Variants in SLC9C1 observed in about 807,000 individuals in gnomAD.
The protein encoded by SLC9C1 is sodium/hydrogen exchanger 10.
A neutral mutation model predicts 140.9 loss-of-function variants in SLC9C1; 97 were observed. That is an observed-to-expected ratio of 0.69 (90% CI 0.58 to 0.82). SLC9C1 has a LOEUF of 0.82. SLC9C1 is among the 40% of genes least tolerant of loss of function. The pLI is 0.00. For synonymous variants in SLC9C1, 440 were observed against 442.6 expected (o/e 0.99, Z 0.07); for missense variants, 1,340 against 1,389.3 (o/e 0.96, Z 0.56).
chr3:112,248,858 A>G (rs2079368144), intron 10 of SLC9C1, among the ~76,000 whole-genome samples: 3 of 152,034 alleles, frequency 2.0e-5, no homozygotes, highest in African/African-American at 4.8e-5. Context: ...CTATTTCACA[A>G]AAAGTTTTCT....
rs189664767 is a variant in SLC9C1, at chr3:112,272,176, G to A, written c.614-2099C>T. Among the ~76,000 whole-genome samples, 152 of 152,270 alleles carry A rather than the reference G, an allele frequency of 1.0e-3. 3 individuals carry two copies. In the East Asian group the frequency reaches 0.013, roughly 13 times the overall value. Reference sequence around the variant, plus strand: ...CAGCATCTCCTGTCACTGAAATATAGGATGGAGGCTAACTCTAGTTGCAGA... The same window carrying A: ...CAGCATCTCCTGTCACTGAAATATAAGATGGAGGCTAACTCTAGTTGCAGA... On this transcript the variant is annotated intron_variant, in intron 6 of 28. Coordinates refer to ENST00000305815, the MANE Select transcript of SLC9C1 (RefSeq NM_183061.3).
At chr3:112,259,416 T>TAA (rs71134817) in intron 10 of SLC9C1, among the ~76,000 whole-genome samples, 2 of 126,648 alleles carry the variant, frequency 1.6e-5, no homozygotes, top group Non-Finnish European at 3.3e-5. Context: ...TTTACCTATC[T>TAA]AAAAAAAAAA....
At chr3:112,146,298 A>T (rs1375591700) in intron 28 of SLC9C1, among the ~76,000 whole-genome samples, 4 of 151,466 alleles carry the variant, frequency 2.6e-5, no homozygotes, top group African/African-American at 9.7e-5. Flanking sequence ...GTGGACTTTT[A>T]TGTCTTAATT....
chr3:112,160,588 A>C (rs1225323412), intron 26 of SLC9C1, among the ~76,000 whole-genome samples: 2 of 151,918 alleles, frequency 1.3e-5, no homozygotes, highest in Non-Finnish European at 2.9e-5. Context: ...GTCCCCACAA[A>C]GGACATGAAC....
At chr3:112,258,618 T>C (rs548929038) in intron 10 of SLC9C1, among the ~76,000 whole-genome samples, 1 of 151,916 alleles carries the variant, frequency 6.6e-6, no homozygotes, top group East Asian at 1.9e-4. Flanking sequence ...TTATTTTTAG[T>C]TTTACAGGTA....
At chr3:112,181,702 T>C (rs1245805741) in intron 21 of SLC9C1, among the ~76,000 whole-genome samples, 1 of 152,150 alleles carries the variant, frequency 6.6e-6, no homozygotes, top group African/African-American at 2.4e-5. Context: ...GAAGGTCTTC[T>C]ACTGGGGCAT....
rs190458639 is a variant in SLC9C1 at position 112,279,243 on chromosome 3, T to C, written c.190-386A>G. ...TTTGCATTTGGGAGATAATTCTCCA[T>C]GTGTCTCTTGTGTTTCTCCACGGTT... On this transcript the variant is annotated intron_variant, in intron 3 of 28. Coordinates refer to ENST00000305815, the MANE Select transcript of SLC9C1 (RefSeq NM_183061.3). Among the ~76,000 whole-genome samples the C allele has an allele frequency of 3.2e-3, 486 of 152,324 alleles. 1 individual carries two copies. Among genetic ancestry groups the C allele is most frequent in the Middle Eastern group, 0.01 (3 of 294 alleles).
At chr3:112,256,936 A>G (rs1261841984) in intron 10 of SLC9C1, among the ~76,000 whole-genome samples, 2 of 152,146 alleles carry the variant, frequency 1.3e-5, no homozygotes, top group Non-Finnish European at 1.5e-5. Flanking sequence ...CCAAGAGCCA[A>G]ATCAAGAATT....
chr3:112,242,744 T>C (rs1415176499), intron 11 of SLC9C1, among the ~76,000 whole-genome samples: 3 of 152,130 alleles, frequency 2.0e-5, no homozygotes, highest in Middle Eastern at 3.2e-3. Context: ...TTACCCTAAT[T>C]GATTATTACA....
chr3:112,177,004 TC>T (rs869145151), intron 23 of SLC9C1, among the ~76,000 whole-genome samples: 156 of 113,198 alleles, frequency 1.4e-3, no homozygotes, highest in African/African-American at 4.7e-3. Flanking sequence ...TCTCTCTCTC[TC>T]TTTTTTTTTT....
At chr3:112,167,041 A>C (rs1000571158) in intron 26 of SLC9C1, among the ~76,000 whole-genome samples, 180 bp downstream of exon 26, 2 of 152,174 alleles carry the variant, frequency 1.3e-5, no homozygotes, top group East Asian at 3.8e-4. Flanking sequence ...ATATATAATA[A>C]TTTAAAAATG....
At chr3:112,183,367 T>TTTTTTTTTTTTTTG (rs2077477249) in intron 20 of SLC9C1, among the ~76,000 whole-genome samples, 1 of 123,146 alleles carries the variant, frequency 8.1e-6, no homozygotes, top group African/African-American at 2.9e-5. Flanking sequence ...TTTTTTTTTT[T>TTTTTTTTTTTTTTG]TTTCAGCCAA....
At chr3:112,203,115 A>G (rs1031698488) in intron 17 of SLC9C1, among the ~76,000 whole-genome samples, 1 of 152,010 alleles carries the variant, frequency 6.6e-6, no homozygotes, top group Non-Finnish European at 1.5e-5. Context: ...CTACCATATA[A>G]CATTTCAATA....
At chr3:112,164,671 G>A (rs2077080156) in intron 26 of SLC9C1, among the ~76,000 whole-genome samples, 1 of 151,438 alleles carries the variant, frequency 6.6e-6, no homozygotes, top group African/African-American at 2.4e-5. Context: ...TCCCTTTGTG[G>A]GTAACCTGAC....
Position 112,278,790 on chromosome 3 carries a change from A to G in SLC9C1, c.257T>C (p.Val86Ala). Reference protein sequence around the residue: ...PDLFFRIFTPVVFFTTAFDMD... With the variant: ...PDLFFRIFTPAVFFTTAFDMD... ...GTCAAATGCAGTAGTAAAGAAAACT[A>G]CTGGTGTAAATATACGAAAAAATAA... Residue 86 changes from valine (V) to alanine (A), a missense_variant, in exon 4 of 29, where the codon GTA (valine) becomes GCA (alanine). Coordinates refer to ENST00000305815, the MANE Select transcript of SLC9C1 (RefSeq NM_183061.3). The G allele has an allele frequency of 6.2e-7, 1 of 1,611,364 alleles. No individual in the cohort carries two copies. The highest frequency in any genetic ancestry group is 8.5e-7 in the Non-Finnish European group (1 of 1,178,824).
Position 112,188,951 on chromosome 3 carries a change from C to T in SLC9C1, c.2524-6693G>A, listed in dbSNP as rs1282680769. On this transcript the variant is annotated intron_variant, in intron 20 of 28. Transcript: ENST00000305815. ...CTAACTGGTGTGAGATGTTATCTCA[C>T]TGTGGTTTTGATTTTCATTTCTCTG... 3.9e-5 allele frequency among the ~76,000 whole-genome samples: 6 copies of T among 152,134 alleles called. No individual in the cohort carries two copies. The East Asian group carries it at 5.8e-4, about 15-fold the overall frequency.
At chr3:112,220,643 A>G (rs760400870) in intron 14 of SLC9C1, among the ~76,000 whole-genome samples, 2 of 152,200 alleles carry the variant, frequency 1.3e-5, no homozygotes, top group Non-Finnish European at 2.9e-5. Flanking sequence ...ACCAACTTTG[A>G]GGAAACCACT....
chr3:112,208,849 C>T (rs1190914490), intron 15 of SLC9C1, among the ~76,000 whole-genome samples: 1 of 151,964 alleles, frequency 6.6e-6, no homozygotes, highest in Non-Finnish European at 1.5e-5. Flanking sequence ...TGCATTTTTC[C>T]CTTTTAACAA....
intron 15 of SLC9C1, among the ~76,000 whole-genome samples, chr3:112,214,977 C>T (rs1010120292): frequency 2.0e-5 from 3 of 152,218 alleles, no homozygotes; most frequent in African/African-American, 4.8e-5. Flanking sequence ...ACTGGCAAAC[C>T]GAATCCAGCA....
Sources: allele counts gnomAD v4.1 joint callset (sites outside exome capture counted in the v4.1 genomes callset), GRCh38; gene constraint gnomAD v4.1.1; transcripts MANE v1.5; gene names NCBI Gene and HGNC (gene_info 2026-07-23, HGNC 2026-07-21).